GALNT11: variants seen among roughly 807,000 people sequenced by gnomAD.
GALNT11 encodes the protein UDP-GalNAc:polypeptide N-acetylgalactosaminyltransferase 11.
GALNT11 carries 47 observed loss-of-function variants against 72.7 expected under a neutral mutation model. The ratio of observed to expected loss-of-function variants is 0.65; its 90% CI spans 0.51 to 0.82. The LOEUF (loss-of-function observed/expected upper bound fraction) is 0.82, where lower values mean the gene tolerates loss of function less well. Ranked by LOEUF, GALNT11 falls within the 40% of genes least tolerant of loss-of-function variation. The probability of loss-of-function intolerance (pLI) is 0.00; values close to 1 mark genes in which losing one functional copy is unlikely to be tolerated. For synonymous variants in GALNT11, 270 were observed against 286.6 expected (o/e 0.94, Z 0.58); for missense variants, 677 against 778.4 (o/e 0.87, Z 1.55).
intron 8 of GALNT11, among the ~76,000 whole-genome samples, chr7:152,116,618 A>G (rs747143796): frequency 6.6e-6 from 1 of 152,228 alleles, no homozygotes; most frequent in Non-Finnish European, 1.5e-5. Flanking sequence ...AGACTTCGAA[A>G]GTTATTGAAT....
intron 1 of GALNT11, among the ~76,000 whole-genome samples, chr7:152,057,262 G>T (rs1001100766): frequency 3.3e-5 from 5 of 150,304 alleles, no homozygotes; most frequent in Non-Finnish European, 7.4e-5. Context: ...CTATAGCCCT[G>T]CCCTTCTTGG....
Position 152,121,699 on chromosome 7 carries a change from G to A in GALNT11, c.*22G>A, listed in dbSNP as rs777388663. ...TTAAGGTGGATGCTGTGGTGGGAAC[G>A]TTGCTTCATCAGGCGTTGCCTCCGG... On this transcript the variant is annotated 3_prime_UTR_variant, in exon 12 of 12. Transcript: ENST00000430044. 7.5e-6 allele frequency: 12 copies of A among 1,605,866 alleles called. No homozygotes were observed. The Admixed American group carries it at 1.2e-4, about 16-fold the overall frequency.
At chr7:152,087,515 G>T (rs879529355) in intron 1 of GALNT11, among the ~76,000 whole-genome samples, 36 of 152,322 alleles carry the variant, frequency 2.4e-4, no homozygotes, top group South Asian at 4.1e-4. Flanking sequence ...ATTACGTAGG[G>T]ACTTGCAGGT....
chr7:152,107,723 T>C (rs1217724393), intron 5 of GALNT11: 1 of 217,510 alleles, frequency 4.6e-6, no homozygotes, highest in African/African-American at 2.2e-5. Flanking sequence ...TTCCAAAGAG[T>C]TGAGTTGTTA....
chr7:152,045,473 G>A (rs1586974377), intron 1 of GALNT11, among the ~76,000 whole-genome samples: 1 of 152,050 alleles, frequency 6.6e-6, no homozygotes, highest in African/African-American at 2.4e-5. Context: ...CTTGCTATTG[G>A]TCTGTTCAAG....
At chr7:152,097,497 G>T (rs1488370464) in intron 2 of GALNT11, among the ~76,000 whole-genome samples, 3 of 152,142 alleles carry the variant, frequency 2.0e-5, no homozygotes, top group African/African-American at 7.2e-5. Flanking sequence ...TACCACTCCA[G>T]GGTTTGTACT....
At chr7:152,054,148 A>G (rs147393222) in intron 1 of GALNT11, among the ~76,000 whole-genome samples, 1 of 151,928 alleles carries the variant, frequency 6.6e-6, no homozygotes, top group Non-Finnish European at 1.5e-5. Context: ...TTGCTTTTTA[A>G]TTTTGCCCAT....
chr7:152,055,086 A>G (rs927792214), intron 1 of GALNT11, among the ~76,000 whole-genome samples: 1 of 152,178 alleles, frequency 6.6e-6, no homozygotes, highest in African/African-American at 2.4e-5. Flanking sequence ...GCAGAATTCC[A>G]TTGGTATGTG....
intron 2 of GALNT11, among the ~76,000 whole-genome samples, chr7:152,096,532 C>T (rs1222039058): frequency 5.3e-5 from 8 of 152,036 alleles, no homozygotes; most frequent in Non-Finnish European, 8.8e-5. Flanking sequence ...GCCTGACCAA[C>T]GTGGCGAAAC....
intron 4 of GALNT11, 79 bp from the exon 5 acceptor site, chr7:152,105,166 G>C (rs1054861787): frequency 2.7e-6 from 4 of 1,468,074 alleles, no homozygotes; most frequent in Non-Finnish European, 3.7e-6. Flanking sequence ...GCAAGTACTA[G>C]ATACAACTTT....
chr7:152,102,431 A>C (rs2087027351), intron 3 of GALNT11, among the ~76,000 whole-genome samples: 1 of 151,762 alleles, frequency 6.6e-6, no homozygotes, highest in Admixed American at 6.6e-5. Flanking sequence ...AATCCCAGCT[A>C]CTCAGGAGGT....
chr7:152,035,875 C>G (rs553061671), intron 1 of GALNT11, among the ~76,000 whole-genome samples: 1 of 152,296 alleles, frequency 6.6e-6, no homozygotes, highest in East Asian at 1.9e-4. Context: ...TTACAGTCCT[C>G]TATAAGCAGG....
intron 1 of GALNT11, among the ~76,000 whole-genome samples, chr7:152,060,353 T>C (rs1318290327): frequency 6.6e-6 from 1 of 152,236 alleles, no homozygotes; most frequent in Non-Finnish European, 1.5e-5. Context: ...CATAGCACTT[T>C]TAATTCCCTT....
At chr7:152,077,944 G>A (rs2129016633) in intron 1 of GALNT11, among the ~76,000 whole-genome samples, 1 of 151,906 alleles carries the variant, frequency 6.6e-6, no homozygotes, top group East Asian at 1.9e-4. Context: ...ATATAAGGGG[G>A]CAAAGCAGAC....
In GALNT11 at chr7:152,094,055, ATCT is replaced by A. The variant is rs1157633597; in HGVS notation, c.-38-130_-38-128del. 12 of 734,682 alleles carry A rather than the reference ATCT, an allele frequency of 1.6e-5. No homozygotes were observed. Among genetic ancestry groups the A allele is most frequent in the Non-Finnish European group, 2.2e-5 (10 of 457,370 alleles). The allele number at this position is 734,682 out of a possible 1,614,324, so 45.5% of individuals were successfully genotyped here. A position where few individuals can be genotyped will look rare whatever the true frequency, so the allele number is the denominator to read the frequency against. ...TTTAAAAACTCAGTACTATCCATACATCTTCTTGTATTTGAATATCCGTTAACT... is the reference window on the plus strand; with the variant it reads ...TTTAAAAACTCAGTACTATCCATACATCTTGTATTTGAATATCCGTTAACT... On this transcript the variant is annotated intron_variant, in intron 1 of 11. Coordinates refer to ENST00000430044, the MANE Select transcript of GALNT11 (RefSeq NM_022087.4). This position sits in a 1 kb window ranked among gnomAD's most constrained non-coding sequence, Gnocchi z 4.3.
chr7:152,077,915 A>G (rs1271929110), intron 1 of GALNT11, among the ~76,000 whole-genome samples: 1 of 152,088 alleles, frequency 6.6e-6, no homozygotes, highest in Non-Finnish European at 1.5e-5. Flanking sequence ...AAACATTTCA[A>G]CAAGGAACTG....
rs766795667 is a variant in GALNT11, at chr7:152,094,533, G to A, written c.295+11G>A. The A allele has an allele frequency of 6.3e-7, 1 of 1,583,182 alleles. No homozygotes were observed. Among genetic ancestry groups the A allele is most frequent in the Admixed American group, 1.8e-5 (1 of 55,826 alleles). On this transcript the variant is annotated intron_variant, in intron 2 of 11. Transcript: ENST00000430044. The surrounding 1 kb of genome is among the most constrained non-coding windows in gnomAD (Gnocchi z 4.3). ...TCTCTTCTGAATTAGGTAAGTATAT[G>A]ATGTTTACCAGCATCCATATCAATG...
chr7:152,121,803 C>T lies in GALNT11; in HGVS notation c.*126C>T. ...GGAGAAGATGACAGTTCCCTGTCCT[C>T]CCGGAGATGCCTGGGTGTGTTAGCA... On this transcript the variant is annotated 3_prime_UTR_variant, in exon 12 of 12. Transcript: ENST00000430044. 2 of 1,210,520 alleles carry T rather than the reference C, an allele frequency of 1.7e-6. No individual in the cohort carries two copies. The highest frequency in any genetic ancestry group is 2.9e-4 in the Middle Eastern group (1 of 3,468). The allele number at this position is 1,210,520 out of a possible 1,614,324, so 75.0% of individuals were successfully genotyped here. A position where few individuals can be genotyped will look rare whatever the true frequency, so the allele number is the denominator to read the frequency against.
intron 1 of GALNT11, among the ~76,000 whole-genome samples, chr7:152,043,122 G>C (rs59618668): frequency 0.012 from 1,762 of 152,248 alleles, 36 homozygotes; most frequent in African/African-American, 0.041. Context: ...GCACAATTAG[G>C]AGCTGTGCTA....
Sources: allele counts gnomAD v4.1 joint callset (sites outside exome capture counted in the v4.1 genomes callset), GRCh38; gene constraint gnomAD v4.1.1; non-coding constraint Gnocchi (gnomAD v3.1); transcripts MANE v1.5; gene names NCBI Gene and HGNC (gene_info 2026-07-23, HGNC 2026-07-21).